The following CXCL17 variants were observed in gnomAD, a reference collection of about 807,000 sequenced individuals.
CXCL17 encodes the protein C-X-C motif chemokine 17.
CXCL17 carries 9 observed loss-of-function variants against 15.5 expected under a neutral mutation model. The ratio of observed to expected loss-of-function variants is 0.58; its 90% confidence interval spans 0.35 to 1.01. The LOEUF (loss-of-function observed/expected upper bound fraction) is 1.01, where lower values mean the gene tolerates loss of function less well. CXCL17 is among the 50% of genes least tolerant of loss of function. The pLI is 0.02. For missense variants in CXCL17, 133 were observed against 138.2 expected, an observed-to-expected ratio of 0.96 and a Z score of 0.19; for synonymous variants, 52 against 52.3, an observed-to-expected ratio of 0.99 and a Z score of 0.02.
In CXCL17 at chr19:42,433,780, G is replaced by A. The variant is rs367933042; in HGVS notation, c.156C>T (p.Cys52=). The A allele has an allele frequency of 2.5e-6, 4 of 1,613,546 alleles. No individual in the cohort carries two copies. Among genetic ancestry groups the A allele is most frequent in the Non-Finnish European group, 2.5e-6 (3 of 1,179,710 alleles). The change falls in exon 2 of 4, where the codon TGC becomes TGT. Residue 52 remains cysteine (C), a synonymous_variant. Coordinates refer to ENST00000601181, the MANE Select transcript of CXCL17 (RefSeq NM_198477.3). ...TGTTGTTGCTGAATTACTGACCTTT[G>A]CACTCACATTCTTGGCCGCCTTCCT... The part of the protein sequence containing the change: ...WLQEGGQECE[C]KDWFLRAPRR...
intron 1 of CXCL17, among the ~76,000 whole-genome samples, chr19:42,439,214 A>G (rs1427311437): frequency 2.8e-5 from 4 of 143,872 alleles, no homozygotes; most frequent in Non-Finnish European, 6.0e-5. Flanking sequence ...AGATCACACC[A>G]CTGCACTCCA....
chr19:42,429,004 A>G (rs777363174), intron 3 of CXCL17, 23 bp from the exon 4 acceptor site: 1 of 1,564,034 alleles, frequency 6.4e-7, no homozygotes, highest in Non-Finnish European at 8.8e-7. Flanking sequence ...TAAAGGGGAG[A>G]GGCTAGTGTT....
chr19:42,428,877 A>T lies in CXCL17; in HGVS notation c.*7T>A, dbSNP rs775686186. 1.2e-6 allele frequency: 2 copies of T among 1,608,098 alleles called. No individual in the cohort carries two copies. The highest frequency in any genetic ancestry group is 1.7e-6 in the Non-Finnish European group (2 of 1,174,528). On this transcript the variant is annotated 3_prime_UTR_variant, in exon 4 of 4. Coordinates refer to ENST00000601181, the MANE Select transcript of CXCL17 (RefSeq NM_198477.3). ...TGTTTAATTGGAAGAGTGGGCGCTC[A>T]GAGCTCCTACAAAGGCAGAGCAAAG...
chr19:42,442,303 G>A (rs760281407), intron 1 of CXCL17, among the ~76,000 whole-genome samples: 2 of 143,004 alleles, frequency 1.4e-5, no homozygotes, highest in Non-Finnish European at 3.0e-5. Flanking sequence ...GTGCCGTCTC[G>A]GCTCACTGCA....
chr19:42,433,931 A>C (rs1016531799), intron 1 of CXCL17, 75 bp from the exon 2 acceptor site: 2 of 1,032,970 alleles, frequency 1.9e-6, no homozygotes, highest in Non-Finnish European at 3.0e-6. Flanking sequence ...TGTTCTACCT[A>C]GGTCAGCACA....
intron 3 of CXCL17, among the ~76,000 whole-genome samples, chr19:42,430,774 A>T (rs1489962723): frequency 6.6e-6 from 1 of 151,394 alleles, no homozygotes; most frequent in Non-Finnish European, 1.5e-5. Context: ...AATTTAGTTT[A>T]TTTTTTCTCA....
At chr19:42,429,421 C>T (rs1017752316) in intron 3 of CXCL17, among the ~76,000 whole-genome samples, 1 of 152,006 alleles carries the variant, frequency 6.6e-6, no homozygotes, top group Non-Finnish European at 1.5e-5. Context: ...CACTGTCTCC[C>T]AGATTCAAGC....
chr19:42,429,297 G>T (rs898414828), intron 3 of CXCL17, among the ~76,000 whole-genome samples: 8 of 151,404 alleles, frequency 5.3e-5, no homozygotes, highest in South Asian at 2.1e-4. Flanking sequence ...AAAGTGCTAG[G>T]ATTACAGGCA....
At chr19:42,436,123 C>T (rs543780943) in intron 1 of CXCL17, among the ~76,000 whole-genome samples, 6 of 149,166 alleles carry the variant, frequency 4.0e-5, no homozygotes, top group East Asian at 1.9e-4. Flanking sequence ...CATTCAGGTA[C>T]GTGGTTCCTA....
chr19:42,441,422 T>C (rs1054944257), intron 1 of CXCL17, among the ~76,000 whole-genome samples: 1 of 151,936 alleles, frequency 6.6e-6, no homozygotes, highest in African/African-American at 2.4e-5. Context: ...ACAGGTTAGT[T>C]TGGTTGGAGA....
chr19:42,435,111 G>A (rs751439807), intron 1 of CXCL17, among the ~76,000 whole-genome samples: 4 of 151,754 alleles, frequency 2.6e-5, no homozygotes, highest in Middle Eastern at 6.8e-3. Context: ...CCCAGGAGGC[G>A]GAAGTTGCAG....
chr19:42,442,695 G>C, intron 1 of CXCL17, 59 bp downstream of exon 1: 1 of 1,229,284 alleles, frequency 8.1e-7, no homozygotes, highest in South Asian at 1.2e-5. Context: ...TGATGTGTCT[G>C]TGGCCTGTTT....
At chr19:42,439,767 A>T (rs181743078) in intron 1 of CXCL17, among the ~76,000 whole-genome samples, 3 of 152,358 alleles carry the variant, frequency 2.0e-5, no homozygotes, top group Admixed American at 2.0e-4. Context: ...ACAACTGGCT[A>T]GAACTCTTCA....
Position 42,428,568 on chromosome 19 carries a change from T to C in CXCL17, c.*316A>G, listed in dbSNP as rs36220988. 304 of 228,996 alleles carry C rather than the reference T, an allele frequency of 1.3e-3. No homozygotes were observed. The highest frequency in any genetic ancestry group is 6.3e-3 in the African/African-American group (281 of 44,452). The allele number at this position is 228,996 out of a possible 1,614,324, so 14.2% of individuals were successfully genotyped here. On this transcript the variant is annotated 3_prime_UTR_variant, in exon 4 of 4. Coordinates refer to ENST00000601181, the MANE Select transcript of CXCL17 (RefSeq NM_198477.3). ...TGACATTTAAAAATATTTATTGACTTCTGTTTGCTACTTTCCTGATTGCAT... is the reference window on the plus strand; with the variant it reads ...TGACATTTAAAAATATTTATTGACTCCTGTTTGCTACTTTCCTGATTGCAT...
chr19:42,438,381 AATATATATAT>A (rs1201763586), intron 1 of CXCL17, among the ~76,000 whole-genome samples: 4 of 63,848 alleles, frequency 6.3e-5, no homozygotes, highest in African/African-American at 3.0e-4. Flanking sequence ...AAAAAAAAAA[AATATATATAT>A]ATATATATAT....
In CXCL17 at chr19:42,433,798, G is replaced by A. The variant is rs866096012; in HGVS notation, c.138C>T (p.Gly46=). Residue 46 remains glycine, a synonymous_variant, in exon 2 of 4, where the codon GGC becomes GGT. Coordinates refer to ENST00000601181, the MANE Select transcript of CXCL17 (RefSeq NM_198477.3). ...GACCTTTGCACTCACATTCTTGGCC[G>A]CCTTCCTGGAGCCATCTCCTAGAAG... is the stretch of plus-strand genomic sequence containing the variant. The part of the protein sequence containing the change: ...GQASRRWLQE[G]GQECECKDWF... The A allele has an allele frequency of 4.3e-6, 7 of 1,613,914 alleles. No individual in the cohort carries two copies. Among genetic ancestry groups the A allele is most frequent in the East Asian group, 4.5e-5 (2 of 44,874 alleles).
At chr19:42,437,195 C>T (rs1057316889) in intron 1 of CXCL17, among the ~76,000 whole-genome samples, 11 of 152,252 alleles carry the variant, frequency 7.2e-5, no homozygotes, top group African/African-American at 2.6e-4. Context: ...CCTCGGCCTC[C>T]CAAAGCGTTG....
Position 42,433,073 on chromosome 19 carries a change from C to A in CXCL17, c.165G>T (p.Trp55Cys). 6.2e-7 allele frequency: 1 copy of A among 1,612,230 alleles called. No individual in the cohort carries two copies. The highest frequency in any genetic ancestry group is 8.5e-7 in the Non-Finnish European group (1 of 1,178,470). ...ATTTTCTTCTCGGGGCTCTCAGGAA[C>A]CAATCTGGAACAACAGCATTGCTGC... The part of the protein sequence containing the change: ...EGGQECECKD[W>C]FLRAPRRKFM... The change falls in exon 3 of 4, where the codon TGG (tryptophan) becomes TGT (cysteine). Residue 55 changes from tryptophan to cysteine, a missense_variant. Trp to Cys is a radical substitution (Grantham distance 215, BLOSUM62 -2). Transcript: ENST00000601181.
rs770582296 is a variant in CXCL17 at position 42,442,880 on chromosome 19, G to T, written c.-48C>A. 2 of 1,462,972 alleles carry T rather than the reference G, an allele frequency of 1.4e-6. No homozygotes were observed. The highest frequency in any genetic ancestry group is 2.3e-5 in the East Asian group (1 of 43,580). The allele number at this position is 1,462,972 out of a possible 1,614,324, so 90.6% of individuals were successfully genotyped here. On this transcript the variant is annotated 5_prime_UTR_variant, in exon 1 of 4. Coordinates refer to ENST00000601181, the MANE Select transcript of CXCL17 (RefSeq NM_198477.3). ...AGTTGCTTGAAGAATATAATGGAAG[G>T]TTCCCTGCTGGAGGCTCCTGATCCC...
Sources: gnomAD v4.1 joint callset for allele counts (sites outside exome capture counted in the v4.1 genomes callset) on GRCh38, gnomAD v4.1.1 for gene constraint, MANE v1.5 for transcripts, NCBI Gene and HGNC (gene_info 2026-07-23, HGNC 2026-07-21) for gene names.